EML4: variants seen among roughly 807,000 people sequenced by gnomAD.
EML4 encodes the protein echinoderm microtubule-associated protein-like 4.
In EML4, 72 loss-of-function variants were observed where a neutral mutation model predicts 129.0. The ratio of observed to expected loss-of-function variants is 0.56; its 90% CI spans 0.46 to 0.68. EML4 has a LOEUF of 0.68. Ranked by LOEUF, EML4 falls within the 30% of genes least tolerant of loss-of-function variation. EML4 has a pLI of 0.00. For synonymous variants in EML4, 532 were observed against 405.0 expected (o/e 1.31, Z -3.77); for missense variants, 1,363 against 1,190.6 (o/e 1.14, Z -2.13).
intron 11 of EML4, among the ~76,000 whole-genome samples, chr2:42,291,233 G>A (rs1667622698): frequency 6.6e-6 from 1 of 152,072 alleles, no homozygotes; most frequent in African/African-American, 2.4e-5. Context: ...AGAAAAATCA[G>A]TTTTAGATGG....
intron 1 of EML4, among the ~76,000 whole-genome samples, chr2:42,231,707 T>C (rs1311408066): frequency 6.6e-6 from 1 of 152,248 alleles, no homozygotes; most frequent in African/African-American, 2.4e-5. Context: ...CCCAGCACTT[T>C]GGGAGGCCAA....
rs556726491 is a variant in EML4, at chr2:42,255,069, C to T, written c.209-1432C>T. 7.9e-5 allele frequency among the ~76,000 whole-genome samples: 12 copies of T among 151,538 alleles called. No homozygotes were observed. In the East Asian group the frequency reaches 1.6e-3, roughly 20 times the overall value. Reference sequence around the variant, plus strand: ...ACAGGGAGTGACTGCTTAATGGATACGCGGTTTTTGTTTTTTTTTTCTTTT... The same window carrying T: ...ACAGGGAGTGACTGCTTAATGGATATGCGGTTTTTGTTTTTTTTTTCTTTT... On this transcript the variant is annotated intron_variant, in intron 2 of 22. Transcript: ENST00000318522.
intron 3 of EML4, among the ~76,000 whole-genome samples, chr2:42,258,645 C>T (rs1250248921): frequency 6.6e-6 from 1 of 152,068 alleles, no homozygotes; most frequent in South Asian, 2.1e-4. Context: ...GGTCATCCGC[C>T]CGCCTTAACC....
intron 1 of EML4, among the ~76,000 whole-genome samples, chr2:42,174,353 C>A (rs1001835737): frequency 6.6e-6 from 1 of 152,012 alleles, no homozygotes; most frequent in East Asian, 1.9e-4. Context: ...TACAATGGCA[C>A]GATCTCAGCT....
chr2:42,290,608 T>C (rs892938552), intron 11 of EML4, among the ~76,000 whole-genome samples: 4 of 151,592 alleles, frequency 2.6e-5, no homozygotes, highest in Admixed American at 6.6e-5. Context: ...GGTGCACATT[T>C]GTAGTTCCAG....
At chr2:42,248,166 G>A (rs1675534570) in intron 2 of EML4, among the ~76,000 whole-genome samples, 2 of 151,862 alleles carry the variant, frequency 1.3e-5, no homozygotes, top group Admixed American at 6.6e-5. Flanking sequence ...TGTACAGGCG[G>A]AATCTCTCTA....
At chr2:42,291,618 C>G (rs1358675671) in intron 11 of EML4, among the ~76,000 whole-genome samples, 1 of 151,968 alleles carries the variant, frequency 6.6e-6, no homozygotes, top group Non-Finnish European at 1.5e-5. Context: ...GTTGGCCAGG[C>G]TGGTCTCAAA....
At chr2:42,302,980 C>A in intron 14 of EML4, 124 bp from the exon 15 acceptor site, 1 of 790,918 alleles carries the variant, frequency 1.3e-6, no homozygotes, top group Non-Finnish European at 2.1e-6. Flanking sequence ...TATGAGATTA[C>A]CATATCCAAA....
chr2:42,254,402 GAGCCATGATT>G (rs1030884281), intron 2 of EML4, among the ~76,000 whole-genome samples: 1 of 150,626 alleles, frequency 6.6e-6, no homozygotes, highest in African/African-American at 2.5e-5. Flanking sequence ...TGGCAGCAGT[GAGCCATGATT>G]GTGACATGGC....
At chr2:42,234,770 T>G (rs747568184) in intron 1 of EML4, among the ~76,000 whole-genome samples, 1 of 152,224 alleles carries the variant, frequency 6.6e-6, no homozygotes, top group Non-Finnish European at 1.5e-5. Flanking sequence ...TGGAAAATAA[T>G]TTAAAAGTGC....
intron 1 of EML4, among the ~76,000 whole-genome samples, chr2:42,209,794 C>T (rs1672775392): frequency 1.3e-5 from 2 of 151,832 alleles, no homozygotes; most frequent in Non-Finnish European, 2.9e-5. Context: ...CTGGGCATAG[C>T]GACGAGTGCC....
intron 1 of EML4, among the ~76,000 whole-genome samples, chr2:42,224,034 TTTG>T (rs1446146060): frequency 6.6e-6 from 1 of 152,142 alleles, no homozygotes; most frequent in Non-Finnish European, 1.5e-5. Context: ...TGAGGGTTTT[TTTG>T]TTGTTTTTGT....
At chr2:42,210,276 A>G (rs959542189) in intron 1 of EML4, among the ~76,000 whole-genome samples, 1 of 152,144 alleles carries the variant, frequency 6.6e-6, no homozygotes, top group Non-Finnish European at 1.5e-5. Context: ...TAAGAGCAGT[A>G]CTGGTATATT....
rs897528815 is a variant in EML4 at position 42,294,894 on chromosome 2, A to G, written c.1219-231A>G. On this transcript the variant is annotated intron_variant, in intron 11 of 22. Transcript: ENST00000318522. The stretch of plus-strand genomic sequence containing the variant: ...AAGGTATTCATATAAGTGTCTTTCT[A>G]ATGCAGCGTTTTTATAAATAGCATA... 2.6e-5 allele frequency among the ~76,000 whole-genome samples: 4 copies of G among 152,178 alleles called. No homozygotes were observed. In the East Asian group the frequency reaches 7.7e-4, roughly 29 times the overall value.
intron 17 of EML4, among the ~76,000 whole-genome samples, chr2:42,314,594 A>C (rs60899715): frequency 6.6e-6 from 1 of 152,324 alleles, no homozygotes; most frequent in African/African-American, 2.4e-5. Context: ...TGCACACTGC[A>C]CTACTATTAA....
Position 42,332,472 on chromosome 2 carries a change from T to C in EML4, c.*2265T>C. ...TCATGTGAAGATGTTGAGCCATTGC[T>C]ATCATGCATTCCTGTCTCATGGCAG... On this transcript the variant is annotated 3_prime_UTR_variant, in exon 23 of 23. Coordinates refer to ENST00000318522, the MANE Select transcript of EML4 (RefSeq NM_019063.5). 1 of 194,596 alleles carries C rather than the reference T, an allele frequency of 5.1e-6. No homozygotes were observed. Among genetic ancestry groups the C allele is most frequent in the East Asian group, 8.1e-5 (1 of 12,398 alleles). 12.1% of individuals were successfully genotyped at this position (194,596 alleles called of 1,614,324 possible).
intron 21 of EML4, among the ~76,000 whole-genome samples, chr2:42,327,666 C>T (rs1669882290): frequency 6.6e-6 from 1 of 152,100 alleles, no homozygotes; most frequent in African/African-American, 2.4e-5. Context: ...TTTTCTAAGC[C>T]TTCCTCAGTA....
chr2:42,287,170 G>A (rs2103637415), intron 10 of EML4, among the ~76,000 whole-genome samples: 1 of 152,230 alleles, frequency 6.6e-6, no homozygotes, highest in South Asian at 2.1e-4. Context: ...GGAGTTTTGT[G>A]GGACATGGAG....
intron 6 of EML4, among the ~76,000 whole-genome samples, chr2:42,271,977 C>G (rs970232492): frequency 1.3e-5 from 2 of 150,596 alleles, no homozygotes; most frequent in African/African-American, 4.9e-5. Flanking sequence ...TGGCACCTGT[C>G]TGTTGTCCCC....
Sources: allele counts gnomAD v4.1 joint callset (sites outside exome capture counted in the v4.1 genomes callset), GRCh38; gene constraint gnomAD v4.1.1; transcripts MANE v1.5; gene names NCBI Gene and HGNC (gene_info 2026-07-23, HGNC 2026-07-21).